OBSL1: variants seen among roughly 807,000 people sequenced by gnomAD.
The protein encoded by OBSL1 is obscurin like cytoskeletal adaptor 1, also known as obscurin-like protein 1.
A neutral mutation model predicts 172.0 loss-of-function variants in OBSL1; 160 were observed. The observed-to-expected ratio is 0.93, with a 90% confidence interval of 0.82 to 1.06. The LOEUF (loss-of-function observed/expected upper bound fraction) is 1.06. Among genes scored for constraint, OBSL1 ranks in the 50% least tolerant of loss-of-function variants. The pLI is 0.00. For missense variants in OBSL1, 2,681 were observed against 2,715.4 expected, an observed-to-expected ratio of 0.99 and a Z score of 0.28; for synonymous variants, 1,200 against 1,196.3, an observed-to-expected ratio of 1.00 and a Z score of -0.06.
chr2:219,547,619 G>A (rs1323743168), downstream of OBSL1: 2 of 1,512,814 alleles, frequency 1.3e-6, no homozygotes, highest in Admixed American at 2.1e-5. Flanking sequence ...GAGTGCTGGG[G>A]CGAGCGCGGG....
chr2:219,555,728 A>G, intron 14 of OBSL1: 1 of 1,300,772 alleles, frequency 7.7e-7, no homozygotes, highest in Non-Finnish European at 9.8e-7. Flanking sequence ...TATCCCTAGA[A>G]TACATGCCTG....
chr2:219,551,136 A>ATGGGCAGAGGCAAGC (rs1695584781), intron 20 of OBSL1: 11 of 1,398,516 alleles, frequency 7.9e-6, no homozygotes, highest in Middle Eastern at 2.6e-4. Context: ...ACTTGCTGAG[A>ATGGGCAGAGGCAAGC]TGGGCAGAGG....
At chr2:219,565,748 A>G (rs1409357716) in intron 5 of OBSL1, among the ~76,000 whole-genome samples, 1 of 152,162 alleles carries the variant, frequency 6.6e-6, no homozygotes, top group Non-Finnish European at 1.5e-5. Context: ...TGCATTATAA[A>G]CCAGCCCTCC....
At chr2:219,549,620 G>C (rs1695496960), downstream of OBSL1, 4 of 1,550,124 alleles carry the variant, frequency 2.6e-6, no homozygotes, top group African/African-American at 5.5e-5. Context: ...GTCTATGGCA[G>C]TCTATAGAAG....
rs1559156162 is a variant in OBSL1, at chr2:219,568,279, C to CG, written c.1057dup (p.Arg353ProfsTer2). 6.2e-7 allele frequency: 1 copy of CG among 1,609,238 alleles called. No homozygotes were observed. The highest frequency in any genetic ancestry group is 1.1e-5 in the South Asian group (1 of 90,450). On this transcript the variant is annotated frameshift_variant, in exon 2 of 21. Coordinates refer to ENST00000404537, the MANE Select transcript of OBSL1 (RefSeq NM_015311.3). LOFTEE classifies it high-confidence loss of function. The surrounding 1 kb of genome is among the most constrained non-coding windows in gnomAD (Gnocchi z 4.1). Reference sequence around the variant, plus strand: ...TTCCAGCACGGCAATCCCGTGCTCACGGCCCTCCACGTCCTGCAGGGGCCG... The same window carrying CG: ...TTCCAGCACGGCAATCCCGTGCTCACGGGCCCTCCACGTCCTGCAGGGGCCG...
At chr2:219,556,363 C>T (rs1696004760) in intron 13 of OBSL1, 71 bp from the exon 14 acceptor site, 6 of 1,578,510 alleles carry the variant, frequency 3.8e-6, no homozygotes, top group Non-Finnish European at 5.2e-6. Context: ...TCCCACTGGT[C>T]TGTCCCTAGG....
At chr2:219,562,728 C>T (rs1696577789) in intron 7 of OBSL1, 54 bp from the exon 8 acceptor site, 4 of 1,496,448 alleles carry the variant, frequency 2.7e-6, no homozygotes, top group Non-Finnish European at 3.6e-6. Flanking sequence ...CTGCCGTCCT[C>T]CCTGACCCCG....
Position 219,551,767 on chromosome 2 carries a change from A to G in OBSL1, c.5445T>C (p.Pro1815=), listed in dbSNP as rs1194396667. The change falls in exon 20 of 21, where the codon CCT becomes CCC. Residue 1815 remains proline, a synonymous_variant. Transcript: ENST00000404537. The stretch of plus-strand genomic sequence containing the variant: ...GGCCCACCAGAACGGTCTTCTCGCG[A>G]GGGGGGTGGCGGCACATCTGGAGAG... ...ALPLQMCRHP[P]REKTVLVGRR... is the part of the protein sequence containing the mutation. The G allele has an allele frequency of 1.3e-6, 2 of 1,592,294 alleles. No homozygotes were observed. Among genetic ancestry groups the G allele is most frequent in the Non-Finnish European group, 1.7e-6 (2 of 1,167,248 alleles).
rs1389574243 is a variant in OBSL1 at position 219,571,533 on chromosome 2, T to G, written c.-301A>C. The stretch of plus-strand genomic sequence containing the variant: ...CTCCCCTGCCCGCTGCCTGGCTTCC[T>G]GCTCTTAGGAGCCTCTCTTCCCAGC... On this transcript the variant is annotated 5_prime_UTR_variant, in exon 1 of 21. Transcript: ENST00000404537. 1 of 229,498 alleles carries G rather than the reference T, an allele frequency of 4.4e-6. No homozygotes were observed. The highest frequency in any genetic ancestry group is 8.4e-6 in the Non-Finnish European group (1 of 118,606). 14.2% of individuals were successfully genotyped at this position (229,498 alleles called of 1,614,324 possible).
At chr2:219,551,338 C>T in intron 20 of OBSL1, 191 bp downstream of exon 20, 5 of 1,410,412 alleles carry the variant, frequency 3.5e-6, no homozygotes, top group Middle Eastern at 2.6e-4. Flanking sequence ...AGCAGCTGAT[C>T]TGAGCCAAGC....
chr2:219,556,138 G>C lies in OBSL1; in HGVS notation c.4491C>G (p.Ser1497=), dbSNP rs774329320. The C allele has an allele frequency of 1.9e-6, 3 of 1,613,888 alleles. No individual in the cohort carries two copies. In the South Asian group the frequency reaches 3.3e-5, roughly 18 times the overall value. The part of the protein sequence containing the change: ...GQPLPHDSRL[S]MAQDGHIHRL... ...GGTGGATGTGCCCATCCTGGGCCAT[G>C]GACAGGCGAGAGTCGTGGGGCAGGG... Residue 1497 remains serine, a synonymous_variant, in exon 14 of 21, where the codon TCC becomes TCG. Transcript: ENST00000404537.
At chr2:219,567,158 C>T (rs1442598580) in intron 4 of OBSL1, 32 bp from the exon 5 acceptor site, 1 of 1,603,698 alleles carries the variant, frequency 6.2e-7, no homozygotes, top group Non-Finnish European at 8.5e-7. Context: ...GCTGTCAGAA[C>T]TAGAAGGTGT....
chr2:219,561,855 A>T (rs1271674218), intron 8 of OBSL1: 1 of 717,122 alleles, frequency 1.4e-6, no homozygotes, highest in East Asian at 2.7e-5. Context: ...GGACAGAGGA[A>T]TGTGGGCCCC....
chr2:219,563,313 G>C (rs780998170), intron 7 of OBSL1, 42 bp downstream of exon 7: 1 of 1,513,252 alleles, frequency 6.6e-7, no homozygotes, highest in African/African-American at 1.4e-5. Flanking sequence ...TGGGAGCAGG[G>C]GCACCTTCCC....
intron 12 of OBSL1, 163 bp from the exon 13 acceptor site, chr2:219,556,886 GCTCCCTGCCA>G: frequency 1.4e-6 from 1 of 729,290 alleles, no homozygotes; most frequent in Non-Finnish European, 2.2e-6. Context: ...CAAGATGCCA[GCTCCCTGCCA>G]CTCCTTTTAG....
Position 219,567,355 on chromosome 2 carries a change from C to T in OBSL1, c.1755G>A (p.Glu585=), listed in dbSNP as rs895936562. 3 of 1,612,478 alleles carry T rather than the reference C, an allele frequency of 1.9e-6. No homozygotes were observed. The highest frequency in any genetic ancestry group is 1.7e-5 in the Admixed American group (1 of 59,876). The stretch of plus-strand genomic sequence containing the variant: ...TGCAGATGCGGAAGCGGTAGTCACC[C>T]TCGGAGGGCACACAGTCGCCCGGCA... ...VEVPGDCVPS[E]GDYRFRICTV... is the part of the protein sequence containing the mutation. The change falls in exon 4 of 21, where the codon GAG becomes GAA. Residue 585 remains glutamate, a synonymous_variant. Transcript: ENST00000404537.
chr2:219,554,498 A>G lies in OBSL1; in HGVS notation c.4852T>C (p.Cys1618Arg). 1 of 1,613,258 alleles carries G rather than the reference A, an allele frequency of 6.2e-7. No individual in the cohort carries two copies. Among genetic ancestry groups the G allele is most frequent in the East Asian group, 2.2e-5 (1 of 44,882 alleles). ...CVSFTADSLR[C>R]AARLIVREVP... ...CCTCTCACAATGAGTCTGGCTGCGC[A>G]GCGCAGGGAATCCGCTGTGAAGGAG... is the stretch of plus-strand genomic sequence containing the variant. Residue 1618 changes from cysteine to arginine, a missense_variant, in exon 15 of 21, where the codon TGC becomes CGC. Physicochemically the swap from Cys to Arg is radical, Grantham distance 180. Around this residue, in one of 5 missense-constraint regions of OBSL1, gnomAD observed 1,765 missense variants for 1,748.3 expected, o/e 1.01. Coordinates refer to ENST00000404537, the MANE Select transcript of OBSL1 (RefSeq NM_015311.3).
chr2:219,554,385 G>A, intron 15 of OBSL1, 89 bp downstream of exon 15: 1 of 1,453,104 alleles, frequency 6.9e-7, no homozygotes, highest in South Asian at 1.3e-5. Context: ...TGGTCAGTGG[G>A]GGTCACACGA....
chr2:219,555,898 G>T, intron 14 of OBSL1, 122 bp downstream of exon 14: 1 of 1,494,994 alleles, frequency 6.7e-7, no homozygotes. Context: ...TGCTGGGACG[G>T]CCATGGGTGA....
Sources: allele counts gnomAD v4.1 joint callset (sites outside exome capture counted in the v4.1 genomes callset), GRCh38; gene constraint gnomAD v4.1.1; regional missense constraint gnomAD v4.1.1; non-coding constraint Gnocchi (gnomAD v3.1); transcripts MANE v1.5; gene names NCBI Gene and HGNC (gene_info 2026-07-23, HGNC 2026-07-21).